Variants in MAN1A2 observed in about 807,000 individuals in gnomAD.
MAN1A2 encodes the protein mannosyl-oligosaccharide 1,2-alpha-mannosidase IB.
In MAN1A2, 26 loss-of-function variants were observed where a neutral mutation model predicts 75.7. The observed-to-expected ratio is 0.34, with a 90% confidence interval of 0.25 to 0.48. The LOEUF (loss-of-function observed/expected upper bound fraction) is 0.48. Among genes scored for constraint, MAN1A2 ranks in the 20% least tolerant of loss-of-function variants. The pLI is 0.99. For missense variants in MAN1A2, 562 were observed against 775.5 expected (o/e 0.72, Z 3.27); for synonymous variants, 247 against 264.6 (o/e 0.93, Z 0.65).
intron 5 of MAN1A2, among the ~76,000 whole-genome samples, chr1:117,432,970 A>G (rs1648723029): frequency 1.3e-5 from 2 of 149,434 alleles, no homozygotes; most frequent in Admixed American, 1.3e-4. Context: ...AAGATAATAT[A>G]TCAAGAAAAA....
intron 1 of MAN1A2, among the ~76,000 whole-genome samples, chr1:117,389,294 A>G (rs1653642260): frequency 6.6e-6 from 1 of 152,182 alleles, no homozygotes; most frequent in Admixed American, 6.5e-5. Flanking sequence ...TTCATAGAAG[A>G]TAATTTTTCC....
intron 8 of MAN1A2, among the ~76,000 whole-genome samples, chr1:117,470,894 A>C (rs115799109): frequency 0.023 from 3,467 of 152,124 alleles, 65 homozygotes; most frequent in Non-Finnish European, 0.033. Flanking sequence ...GAGTAATGAT[A>C]ATGTCTGTGA....
chr1:117,393,343 G>T (rs1386043818), intron 1 of MAN1A2, among the ~76,000 whole-genome samples: 1 of 152,128 alleles, frequency 6.6e-6, no homozygotes, highest in Non-Finnish European at 1.5e-5. Flanking sequence ...TCAGGCACTT[G>T]CCACTAAAGG....
Position 117,525,221 on chromosome 1 carries a change from G to A in MAN1A2, c.*2264G>A. 1 of 476,306 alleles carries A rather than the reference G, an allele frequency of 2.1e-6. No homozygotes were observed. The highest frequency in any genetic ancestry group is 4.4e-6 in the Non-Finnish European group (1 of 229,294). The allele number at this position is 476,306 out of a possible 1,614,324, so 29.5% of individuals were successfully genotyped here. A position where few individuals can be genotyped will look rare whatever the true frequency, so the allele number is the denominator to read the frequency against. On this transcript the variant is annotated 3_prime_UTR_variant, in exon 13 of 13. Coordinates refer to ENST00000356554, the MANE Select transcript of MAN1A2 (RefSeq NM_006699.5). ...CAGTTCTGGTACAAACAAAGAATTT[G>A]ACAGGGACAATGGAAGGGTCTTCTT...
chr1:117,411,786 A>G (rs1304444190), intron 3 of MAN1A2, among the ~76,000 whole-genome samples: 1 of 151,782 alleles, frequency 6.6e-6, no homozygotes, highest in African/African-American at 2.4e-5. Flanking sequence ...ATTTCTACAC[A>G]CCCATTAACA....
intron 5 of MAN1A2, among the ~76,000 whole-genome samples, chr1:117,429,251 C>T (rs1054875818): frequency 7.0e-6 from 1 of 142,912 alleles, no homozygotes; most frequent in African/African-American, 2.6e-5. Flanking sequence ...TTTTCCCCAC[C>T]TTTCCCGCCT....
Position 117,431,199 on chromosome 1 carries a change from GGGGGAGGGGGAGGGGGA to G in MAN1A2, c.855+10555_855+10571del, listed in dbSNP as rs1557947825. On this transcript the variant is annotated intron_variant, in intron 5 of 12. Transcript: ENST00000356554. Reference sequence around the variant, plus strand: ...GAGAGGGAGACCGTGGGGAGAGGGAGGGGGAGGGGGAGGGGGAGGGGGAGGGGGAGGGGGGAGGCCTT... The same window carrying G: ...GAGAGGGAGACCGTGGGGAGAGGGAGGGGGGAGGGGGAGGGGGGAGGCCTT... 1.5e-3 allele frequency among the ~76,000 whole-genome samples: 44 copies of G among 29,266 alleles called. 1 individual carries two copies. Among genetic ancestry groups the G allele is most frequent in the African/African-American group, 4.0e-3 (26 of 6,552 alleles). 19.2% of individuals were successfully genotyped at this position (29,266 alleles called of 152,430 possible). A position where few individuals can be genotyped will look rare whatever the true frequency, so the allele number is the denominator to read the frequency against.
At chr1:117,379,373 T>C (rs975269845) in intron 1 of MAN1A2, among the ~76,000 whole-genome samples, 1 of 152,194 alleles carries the variant, frequency 6.6e-6, no homozygotes, top group African/African-American at 2.4e-5. Flanking sequence ...GTATAGCCTT[T>C]AGATATATCT....
chr1:117,405,909 T>C (rs1647599244), intron 3 of MAN1A2, among the ~76,000 whole-genome samples: 1 of 152,138 alleles, frequency 6.6e-6, no homozygotes, highest in Admixed American at 6.5e-5. Flanking sequence ...GGCATTTTTT[T>C]CTTTAGTGTC....
At chr1:117,411,601 C>T (rs1434949674) in intron 3 of MAN1A2, among the ~76,000 whole-genome samples, 1 of 151,620 alleles carries the variant, frequency 6.6e-6, no homozygotes, top group African/African-American at 2.4e-5. Flanking sequence ...GATTTCTGCT[C>T]CCCAAAGACA....
chr1:117,525,414 T>C lies in MAN1A2; in HGVS notation c.*2457T>C, dbSNP rs772903759. 14 of 224,318 alleles carry C rather than the reference T, an allele frequency of 6.2e-5. No homozygotes were observed. The highest frequency in any genetic ancestry group is 1.1e-4 in the Non-Finnish European group (12 of 108,450). 13.9% of individuals were successfully genotyped at this position (224,318 alleles called of 1,614,324 possible). A position where few individuals can be genotyped will look rare whatever the true frequency, so the allele number is the denominator to read the frequency against. The stretch of plus-strand genomic sequence containing the variant: ...TTAAATTATTTCCTTCAAGATCAAT[T>C]CTTATCCCATATAATGCTTAGCTTC... On this transcript the variant is annotated 3_prime_UTR_variant, in exon 13 of 13. Transcript: ENST00000356554.
intron 6 of MAN1A2, among the ~76,000 whole-genome samples, chr1:117,458,446 TATTGA>T (rs1449786764): frequency 1.4e-5 from 2 of 147,698 alleles, no homozygotes; most frequent in African/African-American, 5.0e-5. Flanking sequence ...AAATATAACA[TATTGA>T]ATTGACAGAA....
At chr1:117,506,469 C>G (rs1651375006) in intron 12 of MAN1A2, among the ~76,000 whole-genome samples, 1 of 151,458 alleles carries the variant, frequency 6.6e-6, no homozygotes, top group African/African-American at 2.4e-5. Context: ...CTCAATAGAC[C>G]TTACTTCATG....
At chr1:117,397,649 T>TCC (rs1443373049) in intron 1 of MAN1A2, among the ~76,000 whole-genome samples, 1 of 145,888 alleles carries the variant, frequency 6.9e-6, no homozygotes, top group Non-Finnish European at 1.5e-5. Flanking sequence ...AACCCCCTTT[T>TCC]TTTTTTTTTT....
At position 117,525,847 on chromosome 1, in the gene MAN1A2, T is replaced by TA. The variant is rs1461484110; in HGVS notation, c.*2891dup. ...AATAAGTCCCCAGTCAGGTGGTTCT[T>TA]ACTTTCTTGTGGGTTGCACATTTTG... On this transcript the variant is annotated 3_prime_UTR_variant, in exon 13 of 13. Coordinates refer to ENST00000356554, the MANE Select transcript of MAN1A2 (RefSeq NM_006699.5). 2.6e-5 allele frequency: 4 copies of TA among 151,804 alleles called. No homozygotes were observed. The highest frequency in any genetic ancestry group is 6.6e-5 in the Admixed American group (1 of 15,180). 9.4% of individuals were successfully genotyped at this position (151,804 alleles called of 1,614,324 possible). A position where few individuals can be genotyped will look rare whatever the true frequency, so the allele number is the denominator to read the frequency against.
intron 6 of MAN1A2, among the ~76,000 whole-genome samples, chr1:117,458,227 CACTT>C (rs901065874): frequency 1.3e-5 from 2 of 151,862 alleles, no homozygotes; most frequent in Admixed American, 6.6e-5. Context: ...GCATAGTAAA[CACTT>C]ACATTTGTGA....
intron 12 of MAN1A2, among the ~76,000 whole-genome samples, chr1:117,517,888 GA>G (rs1197290075): frequency 1.3e-5 from 2 of 151,440 alleles, no homozygotes; most frequent in Non-Finnish European, 2.9e-5. Flanking sequence ...CAGGGGTAAA[GA>G]AAAAAATCTT....
At chr1:117,440,903 T>C (rs1007547810) in intron 5 of MAN1A2, among the ~76,000 whole-genome samples, 5 of 152,214 alleles carry the variant, frequency 3.3e-5, no homozygotes, top group Non-Finnish European at 7.4e-5. Context: ...TTGTGTTTAC[T>C]AACATGTAAA....
chr1:117,523,031 C>A lies in MAN1A2; in HGVS notation c.*74C>A. ...CACTACAGAAATTAGTTTGAAGGGG[C>A]GGCTTTTGAAAACCTGGACCTCTAT... On this transcript the variant is annotated 3_prime_UTR_variant, in exon 13 of 13. Transcript: ENST00000356554. 1 of 1,558,028 alleles carries A rather than the reference C, an allele frequency of 6.4e-7. No individual in the cohort carries two copies. Among genetic ancestry groups the A allele is most frequent in the Non-Finnish European group, 8.8e-7 (1 of 1,139,176 alleles).
Sources: gnomAD v4.1 joint callset for allele counts (sites outside exome capture counted in the v4.1 genomes callset) on GRCh38, gnomAD v4.1.1 for gene constraint, MANE v1.5 for transcripts, NCBI Gene and HGNC (gene_info 2026-07-23, HGNC 2026-07-21) for gene names.